SP2: variants seen among roughly 807,000 people sequenced by gnomAD.
SP2 encodes the protein Sp2 transcription factor.
Under a neutral mutation model 50.1 loss-of-function variants are expected in SP2, and 9 were observed. That is an observed-to-expected ratio of 0.18 (90% CI 0.11 to 0.31). SP2 has a LOEUF of 0.31. Ranked by LOEUF, SP2 falls within the 10% of genes least tolerant of loss-of-function variation. SP2 has a pLI of 1.00. For missense variants in SP2, 581 were observed against 806.5 expected (o/e 0.72, Z 3.39); for synonymous variants, 313 against 326.6 (o/e 0.96, Z 0.45).
At chr17:47,901,471 T>G (rs1473027278) in intron 1 of SP2, among the ~76,000 whole-genome samples, 3 of 151,796 alleles carry the variant, frequency 2.0e-5, no homozygotes, top group Non-Finnish European at 4.4e-5. Context: ...TTGTTTTGGT[T>G]TTTTTTGAGA....
At chr17:47,922,166 C>T (rs763017400) in intron 3 of SP2, among the ~76,000 whole-genome samples, 5 of 152,110 alleles carry the variant, frequency 3.3e-5, no homozygotes, top group Non-Finnish European at 7.4e-5. Context: ...GATAAGTCCT[C>T]GGTATGCAGC....
At position 47,913,660 on chromosome 17, in the gene SP2, G is replaced by A. The variant is rs963133615; in HGVS notation, c.8-1652G>A. 3.9e-5 allele frequency among the ~76,000 whole-genome samples: 6 copies of A among 152,076 alleles called. No individual in the cohort carries two copies. The East Asian group carries it at 5.8e-4, about 15-fold the overall frequency. On this transcript the variant is annotated intron_variant, in intron 1 of 6. Transcript: ENST00000376741. ...TGGGTTCAAGCGATCTTCCCACCTC[G>A]GCTTCCCAAAGTGTTAGGATTACAT...
At chr17:47,907,608 G>A (rs916898498) in intron 1 of SP2, among the ~76,000 whole-genome samples, 2 of 152,172 alleles carry the variant, frequency 1.3e-5, no homozygotes, top group Non-Finnish European at 2.9e-5. Context: ...TCAAGAATAT[G>A]CACTAATCCC....
downstream of SP2, among the ~76,000 whole-genome samples, chr17:47,931,270 C>A (rs2035812092): frequency 6.6e-6 from 1 of 152,100 alleles, no homozygotes; most frequent in South Asian, 2.1e-4. Context: ...TTGGTTGAAC[C>A]CAGTAGGCAG....
chr17:47,915,397 G>A lies in SP2; in HGVS notation c.84+9G>A. 6.2e-7 allele frequency: 1 copy of A among 1,606,050 alleles called. No individual in the cohort carries two copies. The highest frequency in any genetic ancestry group is 8.5e-7 in the Non-Finnish European group (1 of 1,174,260). The stretch of plus-strand genomic sequence containing the variant: ...CCGCCTCCACCACCCAGGCGAGTAG[G>A]CAGTGGGCTCCGAGGGCTTGGGGCT... On this transcript the variant is annotated intron_variant, in intron 2 of 6. Transcript: ENST00000376741.
At chr17:47,923,992 G>C (rs563182049) in intron 4 of SP2, among the ~76,000 whole-genome samples, 2 of 151,932 alleles carry the variant, frequency 1.3e-5, no homozygotes, top group Non-Finnish European at 2.9e-5. Context: ...GAGCCACCGT[G>C]CCCAGCCCAT....
At chr17:47,909,396 G>GT (rs2034893256) in intron 1 of SP2, among the ~76,000 whole-genome samples, 1 of 152,046 alleles carries the variant, frequency 6.6e-6, no homozygotes, top group Admixed American at 6.6e-5. Context: ...CATGTGATTG[G>GT]TTTTTTAACC....
At position 47,923,239 on chromosome 17, in the gene SP2, T is replaced by C. The variant is rs748920996; in HGVS notation, c.1337T>C (p.Val446Ala). ...MQTININGVQ[V>A]QGVPVTITNT... Reference sequence around the variant, plus strand: ...ACCATCAACATCAATGGTGTCCAGGTCCAGGGCGTGCCTGTCACCATCACC... The same window carrying C: ...ACCATCAACATCAATGGTGTCCAGGCCCAGGGCGTGCCTGTCACCATCACC... The change falls in exon 4 of 7, where the codon GTC (valine) becomes GCC (alanine). Residue 446 changes from valine (V) to alanine (A), a missense_variant. Physicochemically the swap from Val to Ala is moderately conservative, Grantham distance 64. Transcript: ENST00000376741. 6.2e-7 allele frequency: 1 copy of C among 1,608,508 alleles called. No homozygotes were observed. The highest frequency in any genetic ancestry group is 8.5e-7 in the Non-Finnish European group (1 of 1,179,830).
chr17:47,900,550 G>T (rs1349137578), intron 1 of SP2, among the ~76,000 whole-genome samples: 3 of 152,212 alleles, frequency 2.0e-5, no homozygotes, highest in African/African-American at 7.2e-5. Flanking sequence ...GCTGAGGCAG[G>T]CAGATCACTT....
At chr17:47,930,962 T>G (rs2035806593), downstream of SP2, among the ~76,000 whole-genome samples, 1 of 152,126 alleles carries the variant, frequency 6.6e-6, no homozygotes, top group Non-Finnish European at 1.5e-5. Context: ...AATCCAGGCA[T>G]TATATGTACT....
chr17:47,908,973 G>C (rs564010386), intron 1 of SP2, among the ~76,000 whole-genome samples: 1 of 152,296 alleles, frequency 6.6e-6, no homozygotes, highest in South Asian at 2.1e-4. Flanking sequence ...GGAGAACATA[G>C]TACCTCAGAA....
At chr17:47,930,996 C>T (rs375628364), downstream of SP2, among the ~76,000 whole-genome samples, 1 of 151,850 alleles carries the variant, frequency 6.6e-6, no homozygotes, top group Non-Finnish European at 1.5e-5. Context: ...TTAACAAAAC[C>T]AGCAAATGGG....
chr17:47,930,604 G>C (rs16949579), downstream of SP2, among the ~76,000 whole-genome samples: 430 of 152,290 alleles, frequency 2.8e-3, 16 homozygotes, highest in East Asian at 0.075. Flanking sequence ...AAAGACTTGT[G>C]GGCAAATTAA....
At chr17:47,931,230 C>T (rs910853235), downstream of SP2, among the ~76,000 whole-genome samples, 1 of 152,164 alleles carries the variant, frequency 6.6e-6, no homozygotes, top group East Asian at 1.9e-4. Flanking sequence ...GTAGTCCCAG[C>T]TACTTGGGAG....
At chr17:47,919,292 C>T (rs1022127380) in intron 3 of SP2, among the ~76,000 whole-genome samples, 2 of 152,142 alleles carry the variant, frequency 1.3e-5, no homozygotes, top group Non-Finnish European at 2.9e-5. Context: ...CACCTGTAGT[C>T]CCAGCTATTC....
chr17:47,916,326 A>G lies in SP2; in HGVS notation c.255A>G (p.Gly85=). 6.2e-7 allele frequency: 1 copy of G among 1,614,122 alleles called. No individual in the cohort carries two copies. The change falls in exon 3 of 7, where the codon GGA becomes GGG. Residue 85 remains glycine, a synonymous_variant. Coordinates refer to ENST00000376741, the MANE Select transcript of SP2 (RefSeq NM_003110.6). This position sits in a 1 kb window ranked among gnomAD's most constrained non-coding sequence, Gnocchi z 4.7. ...LPLSPGKNSF[G]ILSSKGNILQ... is the part of the protein sequence containing the mutation. ...TCAGCCCCGGCAAGAATAGCTTTGG[A>G]ATCTTGTCCTCCAAAGGAAATATAC...
intron 1 of SP2, chr17:47,897,897 G>A (rs1184242264): frequency 1.0e-6 from 1 of 980,880 alleles, no homozygotes; most frequent in African/African-American, 1.7e-5. Context: ...AATACCTGTT[G>A]GAAATGGATT....
intron 3 of SP2, among the ~76,000 whole-genome samples, chr17:47,918,177 A>G (rs2035291623): frequency 6.6e-6 from 1 of 151,988 alleles, no homozygotes; most frequent in Non-Finnish European, 1.5e-5. Context: ...CTAGTTGTCT[A>G]TAGAGGAAGA....
In SP2 at chr17:47,928,788, T is replaced by C. The variant is rs2035754264; in HGVS notation, c.*964T>C. On this transcript the variant is annotated 3_prime_UTR_variant, in exon 7 of 7. Transcript: ENST00000376741. Reference sequence around the variant, plus strand: ...CATTGCTTGTTATTTTTGAGGCTTTTAAATTAAACAAAAATCCAACTTTAT... The same window carrying C: ...CATTGCTTGTTATTTTTGAGGCTTTCAAATTAAACAAAAATCCAACTTTAT... 6.6e-6 allele frequency: 1 copy of C among 152,660 alleles called. No individual in the cohort carries two copies. The highest frequency in any genetic ancestry group is 6.5e-5 in the Admixed American group (1 of 15,284). 9.5% of individuals were successfully genotyped at this position (152,660 alleles called of 1,614,324 possible). A position where few individuals can be genotyped will look rare whatever the true frequency, so the allele number is the denominator to read the frequency against.
Sources: allele counts gnomAD v4.1 joint callset (sites outside exome capture counted in the v4.1 genomes callset), GRCh38; gene constraint gnomAD v4.1.1; non-coding constraint Gnocchi (gnomAD v3.1); transcripts MANE v1.5; gene names NCBI Gene and HGNC (gene_info 2026-07-23, HGNC 2026-07-21).